Variants in PLXDC2 observed in about 807,000 individuals in gnomAD.
PLXDC2 encodes the protein plexin domain containing 2.
In PLXDC2, 40 loss-of-function variants were observed where a neutral mutation model predicts 68.9. The observed-to-expected ratio is 0.58, with a 90% CI of 0.45 to 0.76. The LOEUF (loss-of-function observed/expected upper bound fraction) is 0.76, where lower values mean the gene tolerates loss of function less well. PLXDC2 is among the 30% of genes least tolerant of loss of function. The pLI is 0.00. For synonymous variants in PLXDC2, 243 were observed against 234.2 expected, an observed-to-expected ratio of 1.04 and a Z score of -0.34; for missense variants, 644 against 661.9, an observed-to-expected ratio of 0.97 and a Z score of 0.30.
chr10:19,836,503 A>C (rs961077444), intron 1 of PLXDC2, among the ~76,000 whole-genome samples: 6 of 152,032 alleles, frequency 3.9e-5, no homozygotes, highest in Admixed American at 1.3e-4. Flanking sequence ...AGATGATATC[A>C]CGTTTTATGT....
intron 12 of PLXDC2, among the ~76,000 whole-genome samples, chr10:20,219,393 G>A (rs1433696524): frequency 6.6e-6 from 1 of 152,096 alleles, no homozygotes; most frequent in East Asian, 1.9e-4. Flanking sequence ...TATTATAGTG[G>A]TGTGTAGTTA....
intron 13 of PLXDC2, among the ~76,000 whole-genome samples, chr10:20,275,774 G>C (rs1346627304): frequency 6.6e-6 from 1 of 152,072 alleles, no homozygotes; most frequent in Non-Finnish European, 1.5e-5. Flanking sequence ...TTAGCTGGGC[G>C]TGGTGGCAGG....
intron 9 of PLXDC2, among the ~76,000 whole-genome samples, chr10:20,180,581 ACTTT>A (rs1255973560): frequency 6.6e-6 from 1 of 152,020 alleles, no homozygotes; most frequent in African/African-American, 2.4e-5. Context: ...CATAGCTCTT[ACTTT>A]CTTCTTTGTG....
At chr10:20,094,661 A>G (rs141565387) in intron 4 of PLXDC2, among the ~76,000 whole-genome samples, 1 of 152,280 alleles carries the variant, frequency 6.6e-6, no homozygotes, top group African/African-American at 2.4e-5. Context: ...AGTTCATGGT[A>G]TAAGGTTTAT....
intron 1 of PLXDC2, among the ~76,000 whole-genome samples, chr10:19,973,146 A>C (rs906095414): frequency 6.6e-6 from 1 of 151,364 alleles, no homozygotes; most frequent in African/African-American, 2.4e-5. Flanking sequence ...GCCTATGGTT[A>C]ATTTCTATAT....
At chr10:19,888,875 C>T (rs1173872112) in intron 1 of PLXDC2, among the ~76,000 whole-genome samples, 2 of 152,064 alleles carry the variant, frequency 1.3e-5, no homozygotes, top group Non-Finnish European at 2.9e-5. Flanking sequence ...GTATATAGAA[C>T]AGAAATGTCA....
intron 1 of PLXDC2, among the ~76,000 whole-genome samples, chr10:19,853,388 C>T (rs1299853168): frequency 1.3e-5 from 2 of 151,780 alleles, no homozygotes; most frequent in African/African-American, 2.4e-5. Flanking sequence ...TGTTTCTCCT[C>T]CTTTATTTTT....
chr10:19,996,740 C>T (rs1350802896), intron 1 of PLXDC2, among the ~76,000 whole-genome samples: 1 of 152,092 alleles, frequency 6.6e-6, no homozygotes, highest in African/African-American at 2.4e-5. Context: ...GTTTAATGGA[C>T]TTACAGTTCC....
At chr10:19,825,218 A>G (rs1304638724) in intron 1 of PLXDC2, among the ~76,000 whole-genome samples, 1 of 152,168 alleles carries the variant, frequency 6.6e-6, no homozygotes, top group East Asian at 1.9e-4. Flanking sequence ...TTACTCAATA[A>G]TTGGACATTT....
intron 2 of PLXDC2, among the ~76,000 whole-genome samples, chr10:20,025,421 C>A: frequency 6.6e-6 from 1 of 151,960 alleles, no homozygotes; most frequent in East Asian, 1.9e-4. Flanking sequence ...CACCACCATG[C>A]CTGGCTAATT....
At chr10:20,057,245 T>C (rs7082813) in intron 3 of PLXDC2, among the ~76,000 whole-genome samples, 35,111 of 152,054 alleles carry the variant, frequency 0.23, 5,438 homozygotes, top group African/African-American at 0.44. Context: ...AAATGGAATA[T>C]AATTTTTTTT....
rs945696337 is a variant in PLXDC2 at position 20,187,962 on chromosome 10, G to C, written c.1061+10553G>C. On this transcript the variant is annotated intron_variant, in intron 9 of 13. Coordinates refer to ENST00000377252, the MANE Select transcript of PLXDC2 (RefSeq NM_032812.9). Reference sequence around the variant, plus strand: ...TACCATCATATCAGCCATTTCAATAGAAAACTGTTAATCTAAAGTTCTTTT... The same window carrying C: ...TACCATCATATCAGCCATTTCAATACAAAACTGTTAATCTAAAGTTCTTTT... Among the ~76,000 whole-genome samples, 8 of 151,614 alleles carry C rather than the reference G, an allele frequency of 5.3e-5. 1 individual carries two copies. In the South Asian group the frequency reaches 1.7e-3, roughly 31 times the overall value.
intron 12 of PLXDC2, among the ~76,000 whole-genome samples, chr10:20,233,115 A>T (rs756536066): frequency 1.3e-5 from 2 of 152,136 alleles, no homozygotes; most frequent in African/African-American, 2.4e-5. Context: ...TTTGCTTCCC[A>T]TGTAGTTGAT....
intron 4 of PLXDC2, among the ~76,000 whole-genome samples, chr10:20,131,019 C>T (rs1438847513): frequency 7.9e-5 from 12 of 152,078 alleles, no homozygotes; most frequent in Admixed American, 7.9e-4. Context: ...GTTTCTTTCT[C>T]TTCAAATTTT....
chr10:20,072,323 T>C (rs893722147), intron 4 of PLXDC2, among the ~76,000 whole-genome samples: 1 of 148,810 alleles, frequency 6.7e-6, no homozygotes, highest in Admixed American at 6.8e-5. Flanking sequence ...GCAGCCAAGA[T>C]AGCACCATTG....
At chr10:19,858,727 G>A (rs1837262762) in intron 1 of PLXDC2, among the ~76,000 whole-genome samples, 1 of 152,136 alleles carries the variant, frequency 6.6e-6, no homozygotes, top group African/African-American at 2.4e-5. Flanking sequence ...GAGTGGTCCA[G>A]TGGGCAGGAA....
chr10:19,940,899 G>T (rs1009430585), intron 1 of PLXDC2, among the ~76,000 whole-genome samples: 8 of 152,110 alleles, frequency 5.3e-5, no homozygotes, highest in African/African-American at 1.2e-4. Flanking sequence ...TATCTTGTTT[G>T]GTTTCTGAAG....
chr10:20,176,049 AT>A (rs1166684099), intron 7 of PLXDC2, among the ~76,000 whole-genome samples: 1 of 152,130 alleles, frequency 6.6e-6, no homozygotes, highest in Non-Finnish European at 1.5e-5. Flanking sequence ...ATGTTAAAAT[AT>A]GTTTGCTTAT....
intron 3 of PLXDC2, among the ~76,000 whole-genome samples, chr10:20,062,269 C>G (rs759921499): frequency 2.5e-4 from 38 of 152,042 alleles, no homozygotes; most frequent in Non-Finnish European, 4.6e-4. Context: ...ACTAAAAACA[C>G]AAAAATCAGC....
Sources: allele counts gnomAD v4.1 joint callset (sites outside exome capture counted in the v4.1 genomes callset), GRCh38; gene constraint gnomAD v4.1.1; transcripts MANE v1.5; gene names NCBI Gene and HGNC (gene_info 2026-07-23, HGNC 2026-07-21).